MIB1: variants seen among roughly 807,000 people sequenced by gnomAD.
The protein encoded by MIB1 is E3 ubiquitin-protein ligase MIB1.
In MIB1, 278 loss-of-function variants were observed where a neutral mutation model predicts 124.5. That is an observed-to-expected ratio of 2.23 (90% CI 2.02 to 2.47). The LOEUF (loss-of-function observed/expected upper bound fraction) is 2.47, where lower values mean the gene tolerates loss of function less well. Ranked by LOEUF, MIB1 falls within the 30% of genes most tolerant of loss-of-function variation. The probability of loss-of-function intolerance (pLI) is 0.00; values close to 1 mark genes in which losing one functional copy is unlikely to be tolerated. For missense variants in MIB1, 957 were observed against 1,254.4 expected, an observed-to-expected ratio of 0.76 and a Z score of 3.58; for synonymous variants, 446 against 429.4, an observed-to-expected ratio of 1.04 and a Z score of -0.48.
chr18:21,852,727 A>G (rs1275298921), intron 17 of MIB1, among the ~76,000 whole-genome samples: 8 of 152,214 alleles, frequency 5.3e-5, no homozygotes, highest in Non-Finnish European at 1.0e-4. Flanking sequence ...AATTTGGCTA[A>G]TCTAGCTAGA....
intron 16 of MIB1, among the ~76,000 whole-genome samples, chr18:21,848,023 CTCTCTCATAATTTATGTGTAGT>C (rs2042149659): frequency 6.6e-6 from 1 of 152,122 alleles, no homozygotes; most frequent in Non-Finnish European, 1.5e-5. Flanking sequence ...TGTTCCTTGC[CTCTCTCATAATTTATGTGTAGT>C]GATGAAATGT....
chr18:21,787,898 T>C (rs3017060), intron 6 of MIB1, among the ~76,000 whole-genome samples: 1,878 of 152,188 alleles, frequency 0.012, 49 homozygotes, highest in African/African-American at 0.043. Flanking sequence ...TCCTCACTTA[T>C]GTACCTTTTA....
chr18:21,738,827 A>C (rs2040808201), upstream of MIB1, among the ~76,000 whole-genome samples: 5 of 40,342 alleles, frequency 1.2e-4, no homozygotes, highest in Admixed American at 8.1e-4. Context: ...AAAAAAAAAA[A>C]AAAAAAAAAA....
At position 21,870,162 on chromosome 18, in the gene MIB1, G is replaced by A. The variant is rs1460313601; in HGVS notation, c.*5496G>A. The A allele has an allele frequency of 2.0e-5, 3 of 152,506 alleles. No individual in the cohort carries two copies. Among genetic ancestry groups the A allele is most frequent in the African/African-American group, 4.8e-5 (2 of 41,436 alleles). 9.4% of individuals were successfully genotyped at this position (152,506 alleles called of 1,614,324 possible). A position where few individuals can be genotyped will look rare whatever the true frequency, so the allele number is the denominator to read the frequency against. On this transcript the variant is annotated 3_prime_UTR_variant, in exon 21 of 21. Transcript: ENST00000261537. ...ATTTATCGTTAATAAAACCTATGGT[G>A]TAATATCATATAATGCTTTTCTTTG...
intron 6 of MIB1, among the ~76,000 whole-genome samples, chr18:21,781,959 CT>C (rs2041373884): frequency 6.6e-6 from 1 of 151,928 alleles, no homozygotes; most frequent in African/African-American, 2.4e-5. Flanking sequence ...AAAAATCCAG[CT>C]TTTCATTTTG....
At chr18:21,732,731 A>C (rs533831610) in intron 1 of MIB1, among the ~76,000 whole-genome samples, 1 of 152,342 alleles carries the variant, frequency 6.6e-6, no homozygotes, top group East Asian at 1.9e-4. Flanking sequence ...ATTAGTAAAC[A>C]AAAAGAAGTT....
At chr18:21,861,299 A>G (rs183115710) in intron 20 of MIB1, among the ~76,000 whole-genome samples, 60 of 152,146 alleles carry the variant, frequency 3.9e-4, no homozygotes, top group Admixed American at 3.9e-3. Context: ...TCTAATATAA[A>G]ATAAAAACAT....
intron 18 of MIB1, among the ~76,000 whole-genome samples, chr18:21,853,547 A>G (rs1437312957): frequency 1.3e-5 from 2 of 152,194 alleles, no homozygotes; most frequent in Non-Finnish European, 2.9e-5. Flanking sequence ...CTTTGTTCAC[A>G]TATGAAATTA....
upstream of MIB1, among the ~76,000 whole-genome samples, chr18:21,740,363 C>A (rs530349612): frequency 3.3e-4 from 50 of 152,316 alleles, no homozygotes; most frequent in African/African-American, 1.2e-3. Flanking sequence ...TCACAACATT[C>A]CATACCATGC....
intron 18 of MIB1, chr18:21,854,596 CTTTTT>C (rs34762697): frequency 4.3e-5 from 5 of 116,340 alleles, no homozygotes; most frequent in South Asian, 2.7e-4. Context: ...GCGTTTGCTC[CTTTTT>C]TTTTTTTTTT....
At chr18:21,786,161 A>G (rs946977419) in intron 6 of MIB1, among the ~76,000 whole-genome samples, 1 of 151,742 alleles carries the variant, frequency 6.6e-6, no homozygotes, top group Non-Finnish European at 1.5e-5. Context: ...CAGTGGCACG[A>G]TCTCGGCTCA....
chr18:21,748,335 C>A (rs1411920926), intron 1 of MIB1, among the ~76,000 whole-genome samples: 1 of 149,392 alleles, frequency 6.7e-6, no homozygotes, highest in Admixed American at 6.7e-5. Context: ...TTTTGCTTTG[C>A]TTTGCTTTTC....
At chr18:21,719,912 C>T (rs996327008) in intron 1 of MIB1, among the ~76,000 whole-genome samples, 4 of 152,044 alleles carry the variant, frequency 2.6e-5, no homozygotes, top group Non-Finnish European at 4.4e-5. Flanking sequence ...ATTTTCCTAA[C>T]TAAACAATGG....
intron 1 of MIB1, among the ~76,000 whole-genome samples, chr18:21,762,911 GGGATA>G (rs1258557417): frequency 6.6e-6 from 1 of 152,012 alleles, no homozygotes; most frequent in Non-Finnish European, 1.5e-5. Context: ...AAATTTGTCT[GGGATA>G]GGTGATGATT....
At chr18:21,725,465 C>CT (rs1379006901) in intron 1 of MIB1, among the ~76,000 whole-genome samples, 4 of 152,172 alleles carry the variant, frequency 2.6e-5, no homozygotes, top group Admixed American at 2.6e-4. Flanking sequence ...ACTGTTTAGA[C>CT]TTACCACTGG....
chr18:21,806,753 A>G (rs1288668973), intron 10 of MIB1, among the ~76,000 whole-genome samples: 1 of 151,790 alleles, frequency 6.6e-6, no homozygotes, highest in Non-Finnish European at 1.5e-5. Context: ...CCTCCCGAGT[A>G]GCTGGGACTA....
At chr18:21,829,294 AG>A (rs1320665182) in intron 12 of MIB1, 8 of 300,196 alleles carry the variant, frequency 2.7e-5, no homozygotes, top group South Asian at 1.1e-4. Flanking sequence ...GCATTTGACC[AG>A]TTATCTGTTG....
At chr18:21,718,248 G>A (rs1200656439) in intron 1 of MIB1, among the ~76,000 whole-genome samples, 3 of 152,020 alleles carry the variant, frequency 2.0e-5, no homozygotes, top group African/African-American at 7.2e-5. Flanking sequence ...GGAAAGGGTG[G>A]ATAGGGGGTG....
At chr18:21,859,925 T>G (rs1305676962) in intron 20 of MIB1, among the ~76,000 whole-genome samples, 1 of 146,782 alleles carries the variant, frequency 6.8e-6, no homozygotes, top group Non-Finnish European at 1.5e-5. Context: ...AAAATGTGTC[T>G]GTATACATAT....
Sources: gnomAD v4.1 joint callset for allele counts (sites outside exome capture counted in the v4.1 genomes callset) on GRCh38, gnomAD v4.1.1 for gene constraint, MANE v1.5 for transcripts, NCBI Gene and HGNC (gene_info 2026-07-23, HGNC 2026-07-21) for gene names.